Variants in TNS4 observed in about 807,000 individuals in gnomAD.
The protein encoded by TNS4 is tensin-4.
A neutral mutation model predicts 70.4 loss-of-function variants in TNS4; 46 were observed. That is an observed-to-expected ratio of 0.65 (90% CI 0.52 to 0.84). The LOEUF is 0.84. Ranked by LOEUF, TNS4 falls within the 40% of genes least tolerant of loss-of-function variation. TNS4 has a pLI of 0.00. For missense variants in TNS4, 863 were observed against 907.0 expected, an observed-to-expected ratio of 0.95 and a Z score of 0.62; for synonymous variants, 390 against 366.6, an observed-to-expected ratio of 1.06 and a Z score of -0.73.
chr17:40,489,949 G>A (rs1325792682), intron 2 of TNS4, among the ~76,000 whole-genome samples: 1 of 152,022 alleles, frequency 6.6e-6, no homozygotes, highest in East Asian at 1.9e-4. Flanking sequence ...AGTTTTGTTT[G>A]TTTTCCAGTT....
intron 3 of TNS4, among the ~76,000 whole-genome samples, chr17:40,487,825 G>T (rs1451510056): frequency 6.6e-6 from 1 of 152,202 alleles, no homozygotes; most frequent in Non-Finnish European, 1.5e-5. Context: ...CCCTGCAGAT[G>T]GGCTGAACCT....
At chr17:40,490,607 C>G (rs2036056710) in intron 2 of TNS4, among the ~76,000 whole-genome samples, 1 of 152,090 alleles carries the variant, frequency 6.6e-6, no homozygotes, top group South Asian at 2.1e-4. Context: ...TGGCCCTGCT[C>G]ACAGTTACTG....
chr17:40,482,007 G>T, intron 8 of TNS4, 122 bp downstream of exon 8: 1 of 1,133,568 alleles, frequency 8.8e-7, no homozygotes, highest in Non-Finnish European at 1.3e-6. Context: ...AGCGACTCCA[G>T]TGCACACAGT....
At position 40,477,433 on chromosome 17, in the gene TNS4, A is replaced by G; in HGVS notation, c.*155T>C. On this transcript the variant is annotated 3_prime_UTR_variant, in exon 13 of 13. Transcript: ENST00000254051. ...TGGATGATGGTGACTGCTGAAGGCC[A>G]TAGCAGGTTCAAGGGTGTCAACTTG... is the stretch of plus-strand genomic sequence containing the variant. 1 of 965,678 alleles carries G rather than the reference A, an allele frequency of 1.0e-6. No individual in the cohort carries two copies. Among genetic ancestry groups the G allele is most frequent in the Non-Finnish European group, 1.5e-6 (1 of 666,734 alleles). 59.8% of individuals were successfully genotyped at this position (965,678 alleles called of 1,614,324 possible). A position where few individuals can be genotyped will look rare whatever the true frequency, so the allele number is the denominator to read the frequency against.
Position 40,496,244 on chromosome 17 carries a change from C to A in TNS4, c.182G>T (p.Gly61Val), listed in dbSNP as rs993528313. ...QALMAPVPCM[G>V]PPGRLQQAPQ... ...GGCTTGCTGGAGTCGGCCAGGGGGC[C>A]CCATGCAGGGCACGGGGGCCATCAG... Residue 61 changes from glycine to valine, a missense_variant, in exon 2 of 13, where the codon GGG becomes GTG. Transcript: ENST00000254051. 2.5e-6 allele frequency: 4 copies of A among 1,595,276 alleles called. No individual in the cohort carries two copies. In the African/African-American group the frequency reaches 5.4e-5, roughly 21 times the overall value.
intron 4 of TNS4, among the ~76,000 whole-genome samples, chr17:40,486,623 C>T (rs575123303): frequency 1.5e-4 from 23 of 151,940 alleles, no homozygotes; most frequent in Non-Finnish European, 2.4e-4. Flanking sequence ...CCCAACATTC[C>T]GGCATTTCCT....
At chr17:40,490,482 G>A (rs897878679) in intron 2 of TNS4, among the ~76,000 whole-genome samples, 2 of 152,230 alleles carry the variant, frequency 1.3e-5, no homozygotes, top group Non-Finnish European at 2.9e-5. Flanking sequence ...GGGAAATTGG[G>A]GAGAACGTGC....
chr17:40,492,810 G>A (rs2036092151), intron 2 of TNS4, among the ~76,000 whole-genome samples: 1 of 152,034 alleles, frequency 6.6e-6, no homozygotes, highest in South Asian at 2.1e-4. Flanking sequence ...GCCAAGGTGG[G>A]CGAATCACCG....
chr17:40,499,719 A>G (rs1349587461), intron 1 of TNS4, among the ~76,000 whole-genome samples: 2 of 152,168 alleles, frequency 1.3e-5, no homozygotes, highest in African/African-American at 4.8e-5. Context: ...CCCTCCCGGG[A>G]CAGCTGAGGA....
At chr17:40,486,846 T>C (rs1357762023) in intron 4 of TNS4, among the ~76,000 whole-genome samples, 190 bp downstream of exon 4, 1 of 152,236 alleles carries the variant, frequency 6.6e-6, no homozygotes, top group African/African-American at 2.4e-5. Context: ...GCGTTTATCC[T>C]ACCCTACCGT....
intron 1 of TNS4, 141 bp from the exon 2 acceptor site, chr17:40,496,661 C>T: frequency 1.8e-6 from 1 of 540,748 alleles, no homozygotes; most frequent in Admixed American, 3.7e-5. Context: ...CAGCCTGGCT[C>T]CACCACCTAC....
chr17:40,492,012 C>A (rs1205863925), intron 2 of TNS4, among the ~76,000 whole-genome samples: 3 of 152,162 alleles, frequency 2.0e-5, no homozygotes, highest in Non-Finnish European at 4.4e-5. Context: ...CTTCTAGGAA[C>A]CACATTCTCT....
chr17:40,492,153 C>T lies in TNS4; in HGVS notation c.440-3184G>A, dbSNP rs115341459. ...AGGCTGCCTCCAAACGGATGGATTC[C>T]GTGATGCCCCAGAGGGCAGAAGACT... On this transcript the variant is annotated intron_variant, in intron 2 of 12. Coordinates refer to ENST00000254051, the MANE Select transcript of TNS4 (RefSeq NM_032865.6). Among the ~76,000 whole-genome samples, 1,289 of 152,214 alleles carry T rather than the reference C, an allele frequency of 8.5e-3. 14 individuals carry two copies. The highest frequency in any genetic ancestry group is 0.028 in the African/African-American group (1,167 of 41,514).
At chr17:40,478,046 A>G (rs1236586340) in intron 12 of TNS4, 1 of 609,144 alleles carries the variant, frequency 1.6e-6, no homozygotes, top group Non-Finnish European at 2.9e-6. Flanking sequence ...TCAGACTGGG[A>G]CATTCCAATA....
rs546259396 is a variant in TNS4 at position 40,495,974 on chromosome 17, C to T, written c.439+13G>A. The T allele has an allele frequency of 3.1e-5, 49 of 1,599,144 alleles. 1 individual carries two copies. The South Asian group carries it at 5.2e-4, about 17-fold the overall frequency. On this transcript the variant is annotated intron_variant, in intron 2 of 12. Transcript: ENST00000254051. ...CCAAGCCCCCCTCCTGGTACTGTGCCCCAAATCCTTACCCAAGGCTTCAGA... is the reference window on the plus strand; with the variant it reads ...CCAAGCCCCCCTCCTGGTACTGTGCTCCAAATCCTTACCCAAGGCTTCAGA...
At chr17:40,491,993 T>A (rs995524207) in intron 2 of TNS4, among the ~76,000 whole-genome samples, 1 of 152,092 alleles carries the variant, frequency 6.6e-6, no homozygotes, top group Non-Finnish European at 1.5e-5. Flanking sequence ...GAAAGGGATA[T>A]GGTGTTTGCT....
Position 40,496,529 on chromosome 17 carries a change from G to C in TNS4, c.-95-9C>G. The stretch of plus-strand genomic sequence containing the variant: ...CCAGGAGCTCCCAGGATCTGAAAGA[G>C]TCCAAGAGTGGGAACGGAGTAATTT... On this transcript the variant is annotated splice_polypyrimidine_tract_variant and intron_variant, in intron 1 of 12. Transcript: ENST00000254051. The C allele has an allele frequency of 8.1e-7, 1 of 1,237,838 alleles. No homozygotes were observed. The highest frequency in any genetic ancestry group is 1.1e-6 in the Non-Finnish European group (1 of 913,374). 76.7% of individuals were successfully genotyped at this position (1,237,838 alleles called of 1,614,324 possible).
At chr17:40,497,908 C>T (rs930818258) in intron 1 of TNS4, among the ~76,000 whole-genome samples, 18 of 152,198 alleles carry the variant, frequency 1.2e-4, no homozygotes, top group Admixed American at 9.8e-4. Context: ...ATGTCTCAAC[C>T]TCCTCATTTT....
chr17:40,479,729 C>T lies in TNS4; in HGVS notation c.1855G>A (p.Val619Met), dbSNP rs141187598. The T allele has an allele frequency of 6.5e-3, 10,504 of 1,614,112 alleles. 50 individuals are homozygous for T. Among genetic ancestry groups the T allele is most frequent in the Middle Eastern group, 0.012 (70 of 6,062 alleles). Residue 619 changes from valine to methionine, a missense_variant, in exon 10 of 13, where the codon GTG (valine) becomes ATG (methionine). Transcript: ENST00000254051. ...FERDILPTPT[V>M]VHFKVTEQGI... Reference sequence around the variant, plus strand: ...TGCTCTGTGACTTTGAAGTGGACCACGGTGGGCGTGGGGAGGATGTCCCTC... The same window carrying T: ...TGCTCTGTGACTTTGAAGTGGACCATGGTGGGCGTGGGGAGGATGTCCCTC...
Sources: gnomAD v4.1 joint callset for allele counts (sites outside exome capture counted in the v4.1 genomes callset) on GRCh38, gnomAD v4.1.1 for gene constraint, MANE v1.5 for transcripts, NCBI Gene and HGNC (gene_info 2026-07-23, HGNC 2026-07-21) for gene names.